KCNB2: variants seen among roughly 807,000 people sequenced by gnomAD.
KCNB2 encodes the protein delayed rectifier potassium channel protein.
In KCNB2, 15 loss-of-function variants were observed where a neutral mutation model predicts 61.5. The observed-to-expected ratio is 0.24, with a 90% CI of 0.16 to 0.38. The LOEUF (loss-of-function observed/expected upper bound fraction) is 0.38, where lower values mean the gene tolerates loss of function less well. Among genes scored for constraint, KCNB2 ranks in the 10% least tolerant of loss-of-function variants. The probability of loss-of-function intolerance (pLI) is 1.00; values close to 1 mark genes in which losing one functional copy is unlikely to be tolerated. For missense variants in KCNB2, 828 were observed against 1,125.2 expected, an observed-to-expected ratio of 0.74 and a Z score of 3.78; for synonymous variants, 457 against 446.0, an observed-to-expected ratio of 1.02 and a Z score of -0.31.
At chr8:72,888,692 C>A (rs1004586162) in intron 2 of KCNB2, among the ~76,000 whole-genome samples, 2 of 152,142 alleles carry the variant, frequency 1.3e-5, no homozygotes, top group Non-Finnish European at 2.9e-5. Context: ...CCTTGTTTCT[C>A]AGTAATAAAG....
At chr8:72,729,881 G>A (rs1036595140) in intron 2 of KCNB2, among the ~76,000 whole-genome samples, 3 of 149,296 alleles carry the variant, frequency 2.0e-5, no homozygotes, top group African/African-American at 4.9e-5. Flanking sequence ...GCAAAACTCC[G>A]TCTCAAAAAA....
chr8:72,794,568 A>G (rs1314033343), intron 2 of KCNB2, among the ~76,000 whole-genome samples: 1 of 147,620 alleles, frequency 6.8e-6, no homozygotes, highest in Non-Finnish European at 1.5e-5. Context: ...CCATCTCAAA[A>G]AAAAAAAAAA....
At chr8:72,721,788 A>G (rs761467032) in intron 2 of KCNB2, among the ~76,000 whole-genome samples, 3 of 152,170 alleles carry the variant, frequency 2.0e-5, no homozygotes, top group Non-Finnish European at 2.9e-5. Flanking sequence ...ACTGACCCCA[A>G]AAAGCAAACA....
At chr8:72,581,337 C>T (rs1450292019) in intron 2 of KCNB2, among the ~76,000 whole-genome samples, 6 of 152,184 alleles carry the variant, frequency 3.9e-5, no homozygotes, top group African/African-American at 1.4e-4. Flanking sequence ...TCCCCTAGTT[C>T]TCTCTTCATC....
At chr8:72,802,243 C>T (rs1003267956) in intron 2 of KCNB2, among the ~76,000 whole-genome samples, 3 of 152,120 alleles carry the variant, frequency 2.0e-5, no homozygotes, top group Non-Finnish European at 4.4e-5. Context: ...AAACAATTTG[C>T]GAGGGCTTTG....
At position 72,597,001 on chromosome 8, in the gene KCNB2, C is replaced by CTTTTTTTTTT. The variant is rs869160203; in HGVS notation, c.579+28720_579+28729dup. On this transcript the variant is annotated intron_variant, in intron 2 of 2. Transcript: ENST00000523207. ...GCATGCTTGCTTGCTTGCTTGCTTG[C>CTTTTTTTTTT]TTTTTTTTTTTTTTTTTTTTTTTTT... 8.4e-4 allele frequency among the ~76,000 whole-genome samples: 54 copies of CTTTTTTTTTT among 64,658 alleles called. 5 individuals carry two copies. Among genetic ancestry groups the CTTTTTTTTTT allele is most frequent in the East Asian group, 2.5e-3 (4 of 1,594 alleles). 42.4% of individuals were successfully genotyped at this position (64,658 alleles called of 152,430 possible).
intron 2 of KCNB2, among the ~76,000 whole-genome samples, chr8:72,635,623 C>T (rs779773822): frequency 6.6e-6 from 1 of 152,150 alleles, no homozygotes; most frequent in Non-Finnish European, 1.5e-5. Context: ...TCAGGGACAG[C>T]CACTTTCTGT....
intron 2 of KCNB2, among the ~76,000 whole-genome samples, chr8:72,781,308 G>A (rs1808750850): frequency 1.3e-5 from 2 of 152,078 alleles, no homozygotes; most frequent in Non-Finnish European, 2.9e-5. Flanking sequence ...TGTCCTGAAT[G>A]TATTGCCTAG....
At chr8:72,713,138 T>A (rs1050543905) in intron 2 of KCNB2, among the ~76,000 whole-genome samples, 1 of 152,172 alleles carries the variant, frequency 6.6e-6, no homozygotes, top group African/African-American at 2.4e-5. Flanking sequence ...TGCCCAGGCT[T>A]GAGTCGGTAA....
intron 2 of KCNB2, among the ~76,000 whole-genome samples, chr8:72,891,767 A>G (rs1011899836): frequency 6.6e-6 from 1 of 152,224 alleles, no homozygotes; most frequent in South Asian, 2.1e-4. Context: ...GCTTCAGGCT[A>G]ATCTAAAGGG....
intron 2 of KCNB2, among the ~76,000 whole-genome samples, chr8:72,718,766 A>T (rs1196334154): frequency 6.6e-6 from 1 of 152,154 alleles, no homozygotes; most frequent in Non-Finnish European, 1.5e-5. Flanking sequence ...ATACATATGT[A>T]ACAAACCTGT....
chr8:72,806,795 T>C (rs1474083796), intron 2 of KCNB2, among the ~76,000 whole-genome samples: 1 of 152,150 alleles, frequency 6.6e-6, no homozygotes, highest in Non-Finnish European at 1.5e-5. Flanking sequence ...ATGGAGCATA[T>C]ATTTTAATGG....
intron 2 of KCNB2, among the ~76,000 whole-genome samples, chr8:72,927,337 C>T (rs1414987757): frequency 6.6e-6 from 1 of 151,622 alleles, no homozygotes; most frequent in Non-Finnish European, 1.5e-5. Context: ...GTGGTGCGAT[C>T]TTGGCTCACT....
At chr8:72,791,747 C>T (rs1204969790) in intron 2 of KCNB2, among the ~76,000 whole-genome samples, 6 of 152,108 alleles carry the variant, frequency 3.9e-5, no homozygotes, top group Admixed American at 3.3e-4. Context: ...TGAGAGCAGC[C>T]AGTACTCTCC....
intron 2 of KCNB2, among the ~76,000 whole-genome samples, chr8:72,898,618 C>T (rs13259257): frequency 0.2 from 30,565 of 152,044 alleles, 3,225 homozygotes; most frequent in Non-Finnish European, 0.23. Flanking sequence ...TTTCCTATTC[C>T]TTTCCAACTT....
intron 2 of KCNB2, among the ~76,000 whole-genome samples, chr8:72,663,403 T>G (rs188630338): frequency 3.9e-3 from 592 of 152,282 alleles, no homozygotes; most frequent in Non-Finnish European, 6.2e-3. Flanking sequence ...CAGTGTTCTT[T>G]AAAAATCTAC....
At chr8:72,649,689 G>T (rs981972249) in intron 2 of KCNB2, among the ~76,000 whole-genome samples, 1 of 152,106 alleles carries the variant, frequency 6.6e-6, no homozygotes, top group Non-Finnish European at 1.5e-5. Flanking sequence ...AAAGTGTTGA[G>T]CAGTGTATTA....
intron 2 of KCNB2, among the ~76,000 whole-genome samples, chr8:72,666,714 G>A (rs958022812): frequency 4.7e-5 from 7 of 149,786 alleles, no homozygotes; most frequent in Non-Finnish European, 1.0e-4. Context: ...GTGCAGTGGC[G>A]CAATCTCGGG....
intron 2 of KCNB2, among the ~76,000 whole-genome samples, chr8:72,725,525 ATATATATATATATATG>A (rs1397843936): frequency 5.6e-5 from 3 of 54,038 alleles, no homozygotes; most frequent in African/African-American, 2.1e-4. Flanking sequence ...ATATATATAT[ATATATATATATATATG>A]TGTGTATATA....
Sources: allele counts gnomAD v4.1 joint callset (sites outside exome capture counted in the v4.1 genomes callset), GRCh38; gene constraint gnomAD v4.1.1; transcripts MANE v1.5; gene names NCBI Gene and HGNC (gene_info 2026-07-23, HGNC 2026-07-21).